The following PLGRKT variants were observed in gnomAD, a reference collection of about 807,000 sequenced individuals.
The protein encoded by PLGRKT is plasminogen receptor (KT).
In PLGRKT, 22 loss-of-function variants were observed where a neutral mutation model predicts 18.5. The ratio of observed to expected loss-of-function variants is 1.19; its 90% CI spans 0.85 to 1.70. The LOEUF is 1.70. Among genes scored for constraint, PLGRKT ranks in the 40% most tolerant of loss-of-function variants. The pLI, the probability that PLGRKT is intolerant of heterozygous loss-of-function variation, is 0.00. For synonymous variants in PLGRKT, 72 were observed against 52.8 expected (o/e 1.36, Z -1.58); for missense variants, 235 against 174.4 (o/e 1.35, Z -1.96).
At chr9:5,358,397 G>T (rs751466611) in intron 5 of PLGRKT, 37 bp from the exon 6 acceptor site, 4 of 1,604,120 alleles carry the variant, frequency 2.5e-6, no homozygotes, top group Non-Finnish European at 3.4e-6. Flanking sequence ...GGTGACAAAG[G>T]GGTCATCAGC....
intron 3 of PLGRKT, among the ~76,000 whole-genome samples, chr9:5,399,120 A>G (rs1818106421): frequency 6.6e-6 from 1 of 151,592 alleles, no homozygotes; most frequent in South Asian, 2.1e-4. Flanking sequence ...CCAAATCCTT[A>G]TTCCTATTCC....
chr9:5,422,280 G>A lies in PLGRKT; in HGVS notation c.81+9617C>T, dbSNP rs139140965. Among the ~76,000 whole-genome samples, 998 of 152,296 alleles carry A rather than the reference G, an allele frequency of 6.6e-3. 9 individuals are homozygous for A. Among genetic ancestry groups the A allele is most frequent in the African/African-American group, 0.023 (957 of 41,556 alleles). ...TAAAGGTAAGACAACCAGACCTCAT[G>A]AGCCTTGTGATGTGATGTATTAGGA... On this transcript the variant is annotated intron_variant, in intron 3 of 5. Transcript: ENST00000223864.
chr9:5,377,779 T>C (rs1256598941), intron 3 of PLGRKT, among the ~76,000 whole-genome samples: 1 of 152,162 alleles, frequency 6.6e-6, no homozygotes, highest in East Asian at 1.9e-4. Context: ...GTGGCAGTGT[T>C]TGTCCCCAGC....
chr9:5,395,686 G>T (rs571804120), intron 3 of PLGRKT, among the ~76,000 whole-genome samples: 1 of 151,630 alleles, frequency 6.6e-6, no homozygotes, highest in Non-Finnish European at 1.5e-5. Context: ...CTGAGCTATA[G>T]GACAGCATAA....
chr9:5,431,945 T>C lies in PLGRKT; in HGVS notation c.33A>G (p.Glu11=). The C allele has an allele frequency of 6.4e-7, 1 of 1,551,980 alleles. No individual in the cohort carries two copies. Residue 11 remains glutamate (E), a synonymous_variant, in exon 3 of 6, where the codon GAA becomes GAG. Coordinates refer to ENST00000223864, the MANE Select transcript of PLGRKT (RefSeq NM_018465.4). MGFIFSKSMN[E]SMKNQKEFML... ...TGAACTCCTTTTGATTTTTCATGCT[T>C]TCATTCATAGATTTTGAAAATATAA...
At chr9:5,358,407 C>T in intron 5 of PLGRKT, 47 bp from the exon 6 acceptor site, 1 of 1,582,840 alleles carries the variant, frequency 6.3e-7, no homozygotes, top group Non-Finnish European at 8.7e-7. Flanking sequence ...GGGTCATCAG[C>T]AATTTGTGAC....
At chr9:5,406,005 A>G (rs1433564270) in intron 3 of PLGRKT, among the ~76,000 whole-genome samples, 1 of 152,244 alleles carries the variant, frequency 6.6e-6, no homozygotes, top group Non-Finnish European at 1.5e-5. Flanking sequence ...AACATATGAA[A>G]AAAAGCTCAA....
At chr9:5,399,145 G>T (rs1183196990) in intron 3 of PLGRKT, among the ~76,000 whole-genome samples, 1 of 151,672 alleles carries the variant, frequency 6.6e-6, no homozygotes, top group African/African-American at 2.4e-5. Context: ...TCTAGCTTAA[G>T]ATAGTATCTG....
At chr9:5,399,293 G>A (rs1045140431) in intron 3 of PLGRKT, among the ~76,000 whole-genome samples, 3 of 151,636 alleles carry the variant, frequency 2.0e-5, no homozygotes, top group Non-Finnish European at 4.4e-5. Context: ...AACCTCAAAG[G>A]GTACACAGAA....
intron 3 of PLGRKT, among the ~76,000 whole-genome samples, chr9:5,420,365 G>T (rs1278192489): frequency 2.0e-5 from 3 of 152,194 alleles, no homozygotes; most frequent in Non-Finnish European, 4.4e-5. Context: ...AAATGTCACT[G>T]AATTGTGGTA....
intron 3 of PLGRKT, chr9:5,381,845 T>G (rs1817752875): frequency 1.0e-6 from 1 of 977,382 alleles, no homozygotes; most frequent in Non-Finnish European, 1.2e-6. Context: ...AACAACAGAC[T>G]AAATTTAACT....
chr9:5,403,081 A>G (rs1049083951), intron 3 of PLGRKT, among the ~76,000 whole-genome samples: 3 of 151,894 alleles, frequency 2.0e-5, no homozygotes, highest in African/African-American at 2.4e-5. Flanking sequence ...GCATTTAATC[A>G]TTATTGGTCT....
intron 3 of PLGRKT, among the ~76,000 whole-genome samples, chr9:5,364,229 G>C (rs1563765630): frequency 6.6e-6 from 1 of 152,152 alleles, no homozygotes; most frequent in Non-Finnish European, 1.5e-5. Flanking sequence ...AATTTCTAAA[G>C]GCTTCCAGAT....
At chr9:5,392,065 T>G (rs1348564172) in intron 3 of PLGRKT, among the ~76,000 whole-genome samples, 1 of 151,926 alleles carries the variant, frequency 6.6e-6, no homozygotes, top group Non-Finnish European at 1.5e-5. Context: ...GGAAAGTGTG[T>G]GAGGCAGCAA....
intron 3 of PLGRKT, among the ~76,000 whole-genome samples, chr9:5,366,652 G>A (rs1208294892): frequency 6.6e-6 from 1 of 152,130 alleles, no homozygotes; most frequent in Non-Finnish European, 1.5e-5. Context: ...ATCACTGAAT[G>A]TGAAAAAGCT....
At chr9:5,434,337 G>T (rs1465174359) in intron 2 of PLGRKT, among the ~76,000 whole-genome samples, 7 of 117,878 alleles carry the variant, frequency 5.9e-5, no homozygotes, top group African/African-American at 2.0e-4. Flanking sequence ...TGGCCACCCC[G>T]TCTGGGAGGT....
At chr9:5,424,562 CAATAT>C (rs931215990) in intron 3 of PLGRKT, among the ~76,000 whole-genome samples, 6 of 125,544 alleles carry the variant, frequency 4.8e-5, no homozygotes, top group East Asian at 2.1e-4. Context: ...TTATATAATA[CAATAT>C]AATATATATT....
At chr9:5,376,782 A>G (rs536251143) in intron 3 of PLGRKT, among the ~76,000 whole-genome samples, 13 of 152,190 alleles carry the variant, frequency 8.5e-5, no homozygotes, top group Non-Finnish European at 1.6e-4. Flanking sequence ...ATACACACAT[A>G]CATACATATA....
intron 3 of PLGRKT, among the ~76,000 whole-genome samples, chr9:5,403,223 T>C (rs1388534465): frequency 1.4e-5 from 2 of 139,318 alleles, no homozygotes; most frequent in Admixed American, 7.2e-5. Flanking sequence ...GATTCTTTTT[T>C]CTTTTTTTTT....
Sources: allele counts gnomAD v4.1 joint callset (sites outside exome capture counted in the v4.1 genomes callset), GRCh38; gene constraint gnomAD v4.1.1; transcripts MANE v1.5; gene names NCBI Gene and HGNC (gene_info 2026-07-23, HGNC 2026-07-21).